ZNRF3: variants seen among roughly 807,000 people sequenced by gnomAD.
The protein encoded by ZNRF3 is E3 ubiquitin-protein ligase ZNRF3.
In ZNRF3, 23 loss-of-function variants were observed where a neutral mutation model predicts 72.5. That is an observed-to-expected ratio of 0.32 (90% CI 0.23 to 0.45). The LOEUF (loss-of-function observed/expected upper bound fraction) is 0.45, where lower values mean the gene tolerates loss of function less well. ZNRF3 is among the 20% of genes least tolerant of loss of function. The probability of loss-of-function intolerance (pLI) is 1.00; values close to 1 mark genes in which losing one functional copy is unlikely to be tolerated. For missense variants in ZNRF3, 1,169 were observed against 1,272.1 expected (o/e 0.92, Z 1.23); for synonymous variants, 610 against 545.3 (o/e 1.12, Z -1.65).
At position 29,049,004 on chromosome 22, in the gene ZNRF3, T is replaced by C. The variant is rs972383140; in HGVS notation, c.1016-193T>C. Among the ~76,000 whole-genome samples the C allele has an allele frequency of 3.3e-5, 5 of 152,148 alleles. No individual in the cohort carries two copies. The highest frequency in any genetic ancestry group is 5.9e-5 in the Non-Finnish European group (4 of 68,016). ...TTGGGAGCGGGGCCCTTACAGGAGA[T>C]GGGCCATTTCACACAGACAGGCAGG... On this transcript the variant is annotated intron_variant, in intron 7 of 8. Coordinates refer to ENST00000544604, the MANE Select transcript of ZNRF3 (RefSeq NM_001206998.2). This position sits in a 1 kb window ranked among gnomAD's most constrained non-coding sequence, Gnocchi z 5.2.
At chr22:28,951,827 C>T (rs2035165880) in intron 1 of ZNRF3, among the ~76,000 whole-genome samples, 3 of 152,162 alleles carry the variant, frequency 2.0e-5, no homozygotes, top group African/African-American at 7.2e-5. Flanking sequence ...ATGAAGAATG[C>T]AAGGTTGAGG....
chr22:28,964,040 G>GT (rs1280156069), intron 1 of ZNRF3, among the ~76,000 whole-genome samples: 1 of 152,196 alleles, frequency 6.6e-6, no homozygotes, highest in African/African-American at 2.4e-5. Context: ...ACCTAGGGGA[G>GT]TGACTGCCAG....
intron 2 of ZNRF3, among the ~76,000 whole-genome samples, chr22:29,021,119 G>T (rs577541643): frequency 6.6e-6 from 1 of 151,904 alleles, no homozygotes; most frequent in South Asian, 2.1e-4. Flanking sequence ...CTGTAATCCC[G>T]GCTACTCAGA....
intron 2 of ZNRF3, among the ~76,000 whole-genome samples, chr22:28,994,898 A>G (rs1054301478): frequency 2.6e-5 from 4 of 152,160 alleles, no homozygotes; most frequent in African/African-American, 9.7e-5. Flanking sequence ...ATGTTACTGA[A>G]TCCTGGGGCA....
intron 1 of ZNRF3, among the ~76,000 whole-genome samples, chr22:28,965,589 A>G (rs2035445148): frequency 6.6e-6 from 1 of 152,186 alleles, no homozygotes; most frequent in Non-Finnish European, 1.5e-5. Flanking sequence ...TATCCAGTCT[A>G]AGTGCTGAGA....
At chr22:28,963,885 CAG>C (rs768843840) in intron 1 of ZNRF3, among the ~76,000 whole-genome samples, 9 of 152,204 alleles carry the variant, frequency 5.9e-5, no homozygotes, top group Admixed American at 1.3e-4. Context: ...TCATCAGCAA[CAG>C]GGCACCTTGA....
chr22:28,916,184 C>G (rs996607998), intron 1 of ZNRF3, among the ~76,000 whole-genome samples: 26 of 152,128 alleles, frequency 1.7e-4, no homozygotes, highest in African/African-American at 6.3e-4. Flanking sequence ...ACCTTAGCCT[C>G]CCGAGTAGCT....
At chr22:29,020,776 G>GGTGTGTGTGT (rs3037492) in intron 2 of ZNRF3, among the ~76,000 whole-genome samples, 4 of 86,040 alleles carry the variant, frequency 4.6e-5, no homozygotes, top group Admixed American at 2.6e-4. Flanking sequence ...TGTGTGTGTG[G>GGTGTGTGTGT]GTGTGTGTGT....
At chr22:28,900,312 T>C (rs2034079440) in intron 1 of ZNRF3, among the ~76,000 whole-genome samples, 1 of 152,196 alleles carries the variant, frequency 6.6e-6, no homozygotes, top group Non-Finnish European at 1.5e-5. Context: ...AGTGGGATGT[T>C]AGGGTGCCCT....
intron 5 of ZNRF3, 28 bp from the exon 6 acceptor site, chr22:29,046,688 C>T (rs1343396759): frequency 1.3e-6 from 2 of 1,568,780 alleles, no homozygotes; most frequent in East Asian, 2.3e-5. Context: ...GTACTGGACC[C>T]TCACACAGAC....
At chr22:28,958,885 A>G (rs971302249) in intron 1 of ZNRF3, among the ~76,000 whole-genome samples, 1 of 152,222 alleles carries the variant, frequency 6.6e-6, no homozygotes, top group African/African-American at 2.4e-5. Flanking sequence ...TGCGTCTTAC[A>G]GCAAAGATTA....
intron 1 of ZNRF3, among the ~76,000 whole-genome samples, chr22:28,887,957 G>T (rs769774698): frequency 1.3e-5 from 2 of 148,452 alleles, no homozygotes; most frequent in African/African-American, 5.2e-5. Flanking sequence ...TTTTAAAGTC[G>T]AAATGCATTT....
chr22:29,024,573 C>G (rs1207962428), intron 2 of ZNRF3, among the ~76,000 whole-genome samples: 1 of 152,022 alleles, frequency 6.6e-6, no homozygotes, highest in East Asian at 1.9e-4. Context: ...AGGGCACTTA[C>G]CTCTCACTGT....
At chr22:29,043,277 A>C (rs1361565995) in intron 3 of ZNRF3, 22 bp from the exon 4 acceptor site, 1 of 1,611,664 alleles carries the variant, frequency 6.2e-7, no homozygotes. Flanking sequence ...CCTTTTAACC[A>C]GAGCCCTCTC....
chr22:28,884,952 T>C (rs1337005331), intron 1 of ZNRF3, among the ~76,000 whole-genome samples: 3 of 152,174 alleles, frequency 2.0e-5, no homozygotes, highest in Non-Finnish European at 4.4e-5. Flanking sequence ...GCCGTGATTT[T>C]ATCAACTTGT....
chr22:28,935,837 C>T (rs1451162271), intron 1 of ZNRF3, among the ~76,000 whole-genome samples: 1 of 152,144 alleles, frequency 6.6e-6, no homozygotes, highest in Admixed American at 6.5e-5. Flanking sequence ...CTCCCCTACC[C>T]GAATTCCCGA....
rs1289322417 is a variant in ZNRF3 at position 29,042,577 on chromosome 22, C to T, written c.501+8C>T. 10 of 1,612,732 alleles carry T rather than the reference C, an allele frequency of 6.2e-6. No homozygotes were observed. The highest frequency in any genetic ancestry group is 7.6e-6 in the Non-Finnish European group (9 of 1,179,872). ...CCAGAAGCTATTGATCAGGTAAGCT[C>T]CTCAGGCCATGCCAACACTGCAGCC... On this transcript the variant is annotated splice_region_variant and intron_variant, in intron 3 of 8. Coordinates refer to ENST00000544604, the MANE Select transcript of ZNRF3 (RefSeq NM_001206998.2).
At chr22:28,933,776 T>TCTCTCC (rs1569251174) in intron 1 of ZNRF3, among the ~76,000 whole-genome samples, 4 of 107,878 alleles carry the variant, frequency 3.7e-5, no homozygotes, top group African/African-American at 1.1e-4. Flanking sequence ...TCTCTCTCTC[T>TCTCTCC]CTCCCCTCCC....
chr22:28,907,990 G>C (rs1477710808), intron 1 of ZNRF3, among the ~76,000 whole-genome samples: 1 of 152,216 alleles, frequency 6.6e-6, no homozygotes, highest in Non-Finnish European at 1.5e-5. Flanking sequence ...TTGATTTGAA[G>C]CTAACATGAT....
Sources: gnomAD v4.1 joint callset for allele counts (sites outside exome capture counted in the v4.1 genomes callset) on GRCh38, gnomAD v4.1.1 for gene constraint, Gnocchi (gnomAD v3.1) non-coding constraint, MANE v1.5 for transcripts, NCBI Gene and HGNC (gene_info 2026-07-23, HGNC 2026-07-21) for gene names.